The following DLGAP2 variants were observed in gnomAD, a reference collection of about 807,000 sequenced individuals.
DLGAP2 encodes DLG associated protein 2.
In DLGAP2, 26 loss-of-function variants were observed where a neutral mutation model predicts 100.3. That is an observed-to-expected ratio of 0.26 (90% CI 0.19 to 0.36). DLGAP2 has a LOEUF of 0.36. Ranked by LOEUF, DLGAP2 falls within the 10% of genes least tolerant of loss-of-function variation. The pLI is 1.00. For missense variants in DLGAP2, 1,858 were observed against 1,453.2 expected (o/e 1.28, Z -4.53); for synonymous variants, 886 against 630.1 (o/e 1.41, Z -6.08).
At chr8:1,449,883 G>A (rs112648523) in intron 3 of DLGAP2, among the ~76,000 whole-genome samples, 3,466 of 90,506 alleles carry the variant, frequency 0.038, 3 homozygotes, top group East Asian at 0.065. Context: ...GGCCTCGGTG[G>A]CTGAGGCGGA....
At chr8:1,588,083 CG>C (rs1796179493) in intron 6 of DLGAP2, among the ~76,000 whole-genome samples, 1 of 152,094 alleles carries the variant, frequency 6.6e-6, no homozygotes, top group Non-Finnish European at 1.5e-5. Flanking sequence ...CACATTCGCA[CG>C]ATGAAGAGTG....
chr8:965,270 C>T (rs1399830283), intron 2 of DLGAP2, among the ~76,000 whole-genome samples: 35 of 139,012 alleles, frequency 2.5e-4, no homozygotes, highest in Non-Finnish European at 4.6e-4. Context: ...GCCCAACCCC[C>T]GCGTGCACAC....
intron 2 of DLGAP2, among the ~76,000 whole-genome samples, chr8:1,254,927 G>GTGTGCCCTCTGCTGCCCGGGTGCTGTGTC (rs1563043050): frequency 4.3e-5 from 6 of 139,816 alleles, no homozygotes; most frequent in Admixed American, 7.2e-5. Flanking sequence ...GGTGCTGTGT[G>GTGTGCCCTCTGCTGCCCGGGTGCTGTGTC]TGTGCCCTCT....
intron 3 of DLGAP2, among the ~76,000 whole-genome samples, chr8:1,266,768 T>C (rs1487660826): frequency 6.6e-6 from 1 of 151,920 alleles, no homozygotes; most frequent in South Asian, 2.1e-4. Flanking sequence ...TGTGTTTGTG[T>C]GTGTGTTTTA....
chr8:1,074,038 ATT>A, intron 2 of DLGAP2, among the ~76,000 whole-genome samples: 1 of 143,894 alleles, frequency 6.9e-6, no homozygotes, highest in African/African-American at 2.8e-5. Context: ...CCAGGTACAT[ATT>A]CAGGATTCAC....
intron 14 of DLGAP2, among the ~76,000 whole-genome samples, chr8:1,699,040 G>C (rs1360305484): frequency 6.6e-6 from 1 of 152,226 alleles, no homozygotes; most frequent in Non-Finnish European, 1.5e-5. Context: ...GCCACGGTTT[G>C]GATCTGAGGT....
chr8:1,525,967 A>G (rs994261733), intron 4 of DLGAP2, among the ~76,000 whole-genome samples: 18 of 151,968 alleles, frequency 1.2e-4, no homozygotes, highest in Non-Finnish European at 2.1e-4. Context: ...CAGATTTGGA[A>G]TTTTTTTGGA....
chr8:963,042 C>T (rs2701918), intron 2 of DLGAP2, among the ~76,000 whole-genome samples: 57,793 of 152,076 alleles, frequency 0.38, 11,691 homozygotes, highest in African/African-American at 0.51. Context: ...GTGCCCCTCT[C>T]ATCCGGGACT....
At chr8:1,275,508 G>C (rs1481945342) in intron 3 of DLGAP2, among the ~76,000 whole-genome samples, 1 of 151,756 alleles carries the variant, frequency 6.6e-6, no homozygotes, top group Non-Finnish European at 1.5e-5. Context: ...GTCAATCCCA[G>C]ATGCAGGTGG....
intron 11 of DLGAP2, among the ~76,000 whole-genome samples, chr8:1,677,459 A>T (rs145015541): frequency 6.6e-6 from 1 of 152,048 alleles, no homozygotes; most frequent in South Asian, 2.1e-4. Flanking sequence ...GTGTGCTTCT[A>T]TGGGTTCAGC....
intron 6 of DLGAP2, among the ~76,000 whole-genome samples, chr8:1,613,454 A>T (rs1377266960): frequency 6.6e-6 from 1 of 151,934 alleles, no homozygotes; most frequent in African/African-American, 2.4e-5. Flanking sequence ...ATGACGAGTT[A>T]GTGGGTGCAG....
At chr8:1,683,852 ATATATGTGTG>A (rs1199320339) in intron 12 of DLGAP2, among the ~76,000 whole-genome samples, 3 of 72,596 alleles carry the variant, frequency 4.1e-5, no homozygotes, top group African/African-American at 2.7e-4. Context: ...ATATATATAT[ATATATGTGTG>A]TGTGTGTGTG....
chr8:1,134,564 T>C (rs1316695150), intron 2 of DLGAP2, among the ~76,000 whole-genome samples: 2 of 152,202 alleles, frequency 1.3e-5, no homozygotes, highest in Non-Finnish European at 2.9e-5. Flanking sequence ...ATTAATCATA[T>C]TAATAATGTA....
At chr8:857,383 GA>G (rs1797299453) in intron 1 of DLGAP2, among the ~76,000 whole-genome samples, 1 of 152,176 alleles carries the variant, frequency 6.6e-6, no homozygotes. Flanking sequence ...ACACTCTTCA[GA>G]GGATGGAACA....
chr8:1,390,582 C>T (rs973012414), intron 3 of DLGAP2, among the ~76,000 whole-genome samples: 10 of 152,086 alleles, frequency 6.6e-5, no homozygotes, highest in African/African-American at 7.2e-5. Context: ...CTGGTCTCTG[C>T]GTGCCGCCTC....
chr8:1,573,614 A>AG (rs1802840833), intron 6 of DLGAP2, among the ~76,000 whole-genome samples: 1 of 130,090 alleles, frequency 7.7e-6, no homozygotes, highest in Non-Finnish European at 1.8e-5. Flanking sequence ...GGAAGTATGC[A>AG]GGAAACATCA....
At chr8:1,697,009 G>C (rs1585074176) in intron 13 of DLGAP2, 138 bp from the exon 14 acceptor site, 1 of 925,614 alleles carries the variant, frequency 1.1e-6, no homozygotes, top group African/African-American at 1.7e-5. Context: ...GCCTTCCCAA[G>C]TATCTGCCTC....
chr8:1,507,255 G>C (rs1446746124), intron 4 of DLGAP2, among the ~76,000 whole-genome samples: 1 of 152,230 alleles, frequency 6.6e-6, no homozygotes, highest in Admixed American at 6.5e-5. Flanking sequence ...CCACCGCGAG[G>C]GGGAGGCTCA....
intron 3 of DLGAP2, among the ~76,000 whole-genome samples, chr8:1,317,366 G>GCACCTTTTAAAAATAGAGGCTGTGCGAGT (rs1800781881): frequency 8.9e-6 from 1 of 112,878 alleles, no homozygotes; most frequent in African/African-American, 3.3e-5. Context: ...CGAGAAACTC[G>GCACCTTTTAAAAATAGAGGCTGTGCGAGT]GCAGCTTTTA....
Sources: allele counts gnomAD v4.1 joint callset (sites outside exome capture counted in the v4.1 genomes callset), GRCh38; gene constraint gnomAD v4.1.1; transcripts MANE v1.5; gene names NCBI Gene and HGNC (gene_info 2026-07-23, HGNC 2026-07-21).